ARHGEF28: variants seen among roughly 807,000 people sequenced by gnomAD.
The protein encoded by ARHGEF28 is Rho guanine nucleotide exchange factor 28.
ARHGEF28 carries 152 observed loss-of-function variants against 206.6 expected under a neutral mutation model. That is an observed-to-expected ratio of 0.74 (90% confidence interval 0.64 to 0.84). ARHGEF28 has a LOEUF of 0.84. Among genes scored for constraint, ARHGEF28 ranks in the 40% least tolerant of loss-of-function variants. The pLI is 0.00. For synonymous variants in ARHGEF28, 763 were observed against 776.4 expected (o/e 0.98, Z 0.29); for missense variants, 2,028 against 2,073.2 (o/e 0.98, Z 0.42).
intron 9 of ARHGEF28, among the ~76,000 whole-genome samples, chr5:73,802,200 T>A (rs7730426): frequency 6.6e-6 from 1 of 151,908 alleles, no homozygotes; most frequent in Non-Finnish European, 1.5e-5. Context: ...ACCACTTCAA[T>A]TTATGAGATG....
intron 26 of ARHGEF28, among the ~76,000 whole-genome samples, chr5:73,890,307 G>A (rs1246134288): frequency 6.6e-6 from 1 of 152,136 alleles, no homozygotes; most frequent in African/African-American, 2.4e-5. Context: ...TTGCACTCTT[G>A]CTCATGTCTT....
rs745792196 is a variant in ARHGEF28 at position 73,893,251 on chromosome 5, A to G, written c.3621A>G (p.Lys1207=). 6 of 1,559,598 alleles carry G rather than the reference A, an allele frequency of 3.8e-6. No individual in the cohort carries two copies. The highest frequency in any genetic ancestry group is 4.8e-5 in the East Asian group (2 of 41,832). Residue 1207 remains lysine (K), a synonymous_variant, in exon 28 of 36, where the codon AAA becomes AAG. Transcript: ENST00000513042. ...GTGAATCTGATGAAGACAAGAGGAAAGCTGAAGCCAGAGTGGCCAAAATTC... is the reference window on the plus strand; with the variant it reads ...GTGAATCTGATGAAGACAAGAGGAAGGCTGAAGCCAGAGTGGCCAAAATTC... ...RTSESDEDKR[K]AEARVAKIQQ...
At chr5:73,925,512 A>G (rs925253084) in intron 35 of ARHGEF28, among the ~76,000 whole-genome samples, 5 of 152,132 alleles carry the variant, frequency 3.3e-5, no homozygotes. Context: ...TAATTTACAT[A>G]GGGGGAAATG....
intron 35 of ARHGEF28, chr5:73,922,989 G>A (rs1488094393): frequency 1.1e-5 from 12 of 1,138,458 alleles, no homozygotes; most frequent in East Asian, 1.0e-4. Context: ...CTTTTCATTG[G>A]CATGGAAATT....
chr5:73,776,661 C>A lies in ARHGEF28; in HGVS notation c.805C>A (p.Arg269=). 6.2e-7 allele frequency: 1 copy of A among 1,613,376 alleles called. No individual in the cohort carries two copies. The highest frequency in any genetic ancestry group is 1.1e-5 in the South Asian group (1 of 90,958). ...HLLEADIKLF[R]KYFWDRAFLV... The stretch of plus-strand genomic sequence containing the variant: ...GTTGGAGGCAGATATTAAACTCTTC[C>A]GGAAATACTTTTGGGATAGAGCCTT... The change falls in exon 6 of 36, where the codon CGG becomes AGG. Residue 269 remains arginine, a synonymous_variant. Coordinates refer to ENST00000513042, the MANE Select transcript of ARHGEF28 (RefSeq NM_001177693.2).
chr5:73,794,726 C>T (rs1439366727), intron 8 of ARHGEF28, among the ~76,000 whole-genome samples: 1 of 151,534 alleles, frequency 6.6e-6, no homozygotes, highest in African/African-American at 2.4e-5. Context: ...CCTGCCTCAC[C>T]CTCCTGAGTA....
In ARHGEF28 at chr5:73,932,800, C is replaced by CTTTT. The variant is rs386404110; in HGVS notation, c.4949-8021_4949-8018dup. Among the ~76,000 whole-genome samples the CTTTT allele has an allele frequency of 1.9e-3, 143 of 73,434 alleles. 26 individuals carry two copies. Among genetic ancestry groups the CTTTT allele is most frequent in the African/African-American group, 5.5e-3 (98 of 17,934 alleles). The allele number at this position is 73,434 out of a possible 152,430, so 48.2% of individuals were successfully genotyped here. A position where few individuals can be genotyped will look rare whatever the true frequency, so the allele number is the denominator to read the frequency against. ...GTTATACTACTTTTATTTCCTATTT[C>CTTTT]TTTTTTTTTTTTTTTTTTTTTTTTT... On this transcript the variant is annotated intron_variant, in intron 35 of 35. Transcript: ENST00000513042.
chr5:73,802,919 T>G (rs1755229530), intron 9 of ARHGEF28, among the ~76,000 whole-genome samples: 2 of 146,322 alleles, frequency 1.4e-5, no homozygotes, highest in Admixed American at 1.4e-4. Flanking sequence ...TGTGTGTGTG[T>G]GTTGGTAGGC....
chr5:73,909,765 G>T lies in ARHGEF28; in HGVS notation c.4515G>T (p.Glu1505Asp). The T allele has an allele frequency of 6.6e-7, 1 of 1,511,714 alleles. No homozygotes were observed. Among genetic ancestry groups the T allele is most frequent in the African/African-American group, 1.4e-5 (1 of 72,568 alleles). The allele number at this position is 1,511,714 out of a possible 1,614,324, so 93.6% of individuals were successfully genotyped here. The change falls in exon 34 of 36, where the codon GAG becomes GAT. Residue 1505 changes from glutamate to aspartate, a missense_variant. Coordinates refer to ENST00000513042, the MANE Select transcript of ARHGEF28 (RefSeq NM_001177693.2). ...TCCAGGAGTACCAGCACAGCCTGGA[G>T]CGGCTGAGGGAGGGCCAGCGCCTGG... ...LQLQEYQHSL[E>D]RLREGQRLVE...
intron 9 of ARHGEF28, among the ~76,000 whole-genome samples, chr5:73,804,972 A>T (rs1365602842): frequency 6.6e-6 from 1 of 152,198 alleles, no homozygotes. Flanking sequence ...TGTGGTGTCT[A>T]CATAAATTAT....
intron 9 of ARHGEF28, chr5:73,813,739 G>A: frequency 6.7e-7 from 1 of 1,489,106 alleles, no homozygotes; most frequent in East Asian, 2.5e-5. Flanking sequence ...TCTTTTCCGT[G>A]TTTCTTTGCC....
At position 73,931,563 on chromosome 5, in the gene ARHGEF28, CT is replaced by C. The variant is rs144962468; in HGVS notation, c.4949-9275del. Among the ~76,000 whole-genome samples, 4 of 151,978 alleles carry C rather than the reference CT, an allele frequency of 2.6e-5. No homozygotes were observed. In the East Asian group the frequency reaches 7.7e-4, roughly 29 times the overall value. ...ACATTTTTGTTCTATTTTCTGGGGG[CT>C]TTTTTGTTGTTCTTTAACTCCTACT... On this transcript the variant is annotated intron_variant, in intron 35 of 35. Coordinates refer to ENST00000513042, the MANE Select transcript of ARHGEF28 (RefSeq NM_001177693.2).
At chr5:73,657,872 A>T (rs1745316317) in intron 1 of ARHGEF28, among the ~76,000 whole-genome samples, 1 of 152,150 alleles carries the variant, frequency 6.6e-6, no homozygotes, top group Non-Finnish European at 1.5e-5. Context: ...CATGGGCAAG[A>T]TGTCTCCCCT....
chr5:73,816,221 C>A (rs773780531), intron 9 of ARHGEF28, among the ~76,000 whole-genome samples: 30 of 152,128 alleles, frequency 2.0e-4, no homozygotes, highest in Non-Finnish European at 4.4e-5. Context: ...TCTCCCAGGA[C>A]CCAGACATGC....
At position 73,789,443 on chromosome 5, in the gene ARHGEF28, G is replaced by A. The variant is rs574304707; in HGVS notation, c.911-4959G>A. ...AGAAATGTGGAGCGATTGCTAATGCGTGTGGGGTTTTCTCATTGGAGTGAT... is the reference window on the plus strand; with the variant it reads ...AGAAATGTGGAGCGATTGCTAATGCATGTGGGGTTTTCTCATTGGAGTGAT... On this transcript the variant is annotated intron_variant, in intron 7 of 35. Transcript: ENST00000513042. Among the ~76,000 whole-genome samples, 58 of 152,270 alleles carry A rather than the reference G, an allele frequency of 3.8e-4. 1 individual carries two copies. Among genetic ancestry groups the A allele is most frequent in the Admixed American group, 2.2e-3 (34 of 15,282 alleles).
At chr5:73,657,394 C>T (rs1745291792) in intron 1 of ARHGEF28, among the ~76,000 whole-genome samples, 1 of 152,042 alleles carries the variant, frequency 6.6e-6, no homozygotes, top group South Asian at 2.1e-4. Context: ...TTTAGGAGTT[C>T]TGTCTGGTTC....
chr5:73,813,820 G>C (rs532642878), intron 9 of ARHGEF28: 97 of 765,242 alleles, frequency 1.3e-4, no homozygotes, highest in Non-Finnish European at 1.9e-4. Context: ...GATACATATA[G>C]GTTTCTGAGG....
At chr5:73,908,216 C>T (rs1762654907) in intron 33 of ARHGEF28, among the ~76,000 whole-genome samples, 1 of 151,838 alleles carries the variant, frequency 6.6e-6, no homozygotes, top group South Asian at 2.1e-4. Context: ...TTCAAAAGGC[C>T]CCAGTGAATA....
At chr5:73,737,843 C>T (rs1048452745) in intron 2 of ARHGEF28, among the ~76,000 whole-genome samples, 1 of 152,106 alleles carries the variant, frequency 6.6e-6, no homozygotes, top group Non-Finnish European at 1.5e-5. Context: ...TTCCCCTCTT[C>T]TGTAGGCTCT....
Sources: gnomAD v4.1 joint callset for allele counts (sites outside exome capture counted in the v4.1 genomes callset) on GRCh38, gnomAD v4.1.1 for gene constraint, MANE v1.5 for transcripts, NCBI Gene and HGNC (gene_info 2026-07-23, HGNC 2026-07-21) for gene names.